Variants in PLAUR observed in about 807,000 individuals in gnomAD.
PLAUR encodes urokinase plasminogen activator surface receptor.
PLAUR carries 22 observed loss-of-function variants against 33.4 expected under a neutral mutation model. The observed-to-expected ratio is 0.66, with a 90% CI of 0.47 to 0.94. The LOEUF is 0.94. Among genes scored for constraint, PLAUR ranks in the 40% least tolerant of loss-of-function variants. The probability of loss-of-function intolerance (pLI) is 0.00; values close to 1 mark genes in which losing one functional copy is unlikely to be tolerated. For missense variants in PLAUR, 408 were observed against 434.7 expected (o/e 0.94, Z 0.55); for synonymous variants, 148 against 167.3 (o/e 0.88, Z 0.89).
intron 3 of PLAUR, among the ~76,000 whole-genome samples, chr19:43,663,328 C>T (rs1345182854): frequency 6.6e-6 from 1 of 151,118 alleles, no homozygotes; most frequent in African/African-American, 2.4e-5. Context: ...CACACACACA[C>T]ACACACACAC....
In PLAUR at chr19:43,656,468, T is replaced by C. The variant is rs1337749516; in HGVS notation, c.472+11A>G. ...GCAGGGAGGAGGAGTTGCCAGCAGG[T>C]TGGGGCTCACCTTCTTCACCTTCCT... On this transcript the variant is annotated intron_variant, in intron 4 of 6. Transcript: ENST00000340093. 1 of 1,571,228 alleles carries C rather than the reference T, an allele frequency of 6.4e-7. No individual in the cohort carries two copies. Among genetic ancestry groups the C allele is most frequent in the Non-Finnish European group, 8.7e-7 (1 of 1,154,574 alleles).
At chr19:43,650,963 G>T (rs909526624) in intron 6 of PLAUR, among the ~76,000 whole-genome samples, 1 of 151,602 alleles carries the variant, frequency 6.6e-6, no homozygotes, top group East Asian at 1.9e-4. Flanking sequence ...AACCCAGGAG[G>T]GGGAGGTTGC....
intron 5 of PLAUR, among the ~76,000 whole-genome samples, chr19:43,654,727 C>A (rs1974131770): frequency 6.6e-6 from 1 of 151,988 alleles, no homozygotes; most frequent in African/African-American, 2.4e-5. Flanking sequence ...GAGCGAGACC[C>A]TGTCCCCCCC....
At position 43,655,454 on chromosome 19, in the gene PLAUR, A is replaced by G; in HGVS notation, c.592T>C (p.Cys198Arg). 8 of 1,614,034 alleles carry G rather than the reference A, an allele frequency of 5.0e-6. No individual in the cohort carries two copies. The highest frequency in any genetic ancestry group is 6.8e-6 in the Non-Finnish European group (8 of 1,179,982). The change falls in exon 5 of 7, where the codon TGC (cysteine) becomes CGC (arginine). Residue 198 changes from cysteine (C) to arginine (R), a missense_variant. By Grantham distance (180) the Cys-to-Arg change is radical. Transcript: ENST00000340093. ...CGTTCCTTACTTGGGCCCTCGTTGC[A>G]TTTGGTGGTGTTGCAGCATTTCAGG... ...HFLKCCNTTK[C>R]NEGPILELEN...
chr19:43,664,837 A>G (rs1051806332), intron 3 of PLAUR, among the ~76,000 whole-genome samples: 1 of 152,214 alleles, frequency 6.6e-6, no homozygotes, highest in South Asian at 2.1e-4. Flanking sequence ...CAGATGGACA[A>G]ACATCACTGA....
chr19:43,657,630 A>T (rs151318959), intron 3 of PLAUR, among the ~76,000 whole-genome samples: 144 of 151,070 alleles, frequency 9.5e-4, no homozygotes, highest in African/African-American at 3.4e-3. Context: ...ACACCCCTGT[A>T]CTCCCCCATC....
At chr19:43,654,585 T>A (rs1012071384) in intron 5 of PLAUR, among the ~76,000 whole-genome samples, 1 of 151,350 alleles carries the variant, frequency 6.6e-6, no homozygotes, top group Non-Finnish European at 1.5e-5. Flanking sequence ...AAATACAAAA[T>A]TAGCTGGGTA....
downstream of PLAUR, chr19:43,646,241 C>T: frequency 2.0e-6 from 1 of 499,382 alleles, no homozygotes; most frequent in Non-Finnish European, 3.6e-6. Context: ...GCCTGTCCTT[C>T]CATGATGTTT....
intron 3 of PLAUR, among the ~76,000 whole-genome samples, chr19:43,662,452 C>T (rs965102697): frequency 3.9e-5 from 6 of 152,026 alleles, no homozygotes; most frequent in East Asian, 1.9e-4. Context: ...GAGCTGAGAT[C>T]GCACCATTGC....
At chr19:43,663,096 A>G (rs1218792847) in intron 3 of PLAUR, among the ~76,000 whole-genome samples, 4 of 151,976 alleles carry the variant, frequency 2.6e-5, no homozygotes, top group African/African-American at 4.8e-5. Context: ...TATCTCCTCT[A>G]GGGTCCCACA....
chr19:43,669,215 G>A (rs1967412751), intron 1 of PLAUR, among the ~76,000 whole-genome samples: 1 of 152,206 alleles, frequency 6.6e-6, no homozygotes, highest in Non-Finnish European at 1.5e-5. Context: ...GAGAGGGAAA[G>A]GTCCTGAGGG....
At chr19:43,656,377 A>T in intron 4 of PLAUR, 102 bp downstream of exon 4, 1 of 1,072,130 alleles carries the variant, frequency 9.3e-7, no homozygotes, top group Non-Finnish European at 1.3e-6. Context: ...GAGAGAACTT[A>T]GTCCCTTGCT....
intron 3 of PLAUR, among the ~76,000 whole-genome samples, chr19:43,663,250 A>G (rs1380450746): frequency 2.0e-5 from 3 of 150,692 alleles, no homozygotes; most frequent in African/African-American, 7.3e-5. Context: ...TTACTTTTGC[A>G]TTAACCTAAT....
chr19:43,667,769 A>G (rs1369916306), intron 1 of PLAUR, 78 bp from the exon 2 acceptor site: 1 of 1,552,184 alleles, frequency 6.4e-7, no homozygotes, highest in African/African-American at 1.4e-5. Context: ...GCATGTCCCA[A>G]TACCAACACC....
intron 1 of PLAUR, 197 bp from the exon 2 acceptor site, chr19:43,667,888 T>C (rs1967330577): frequency 5.6e-6 from 8 of 1,420,254 alleles, no homozygotes; most frequent in Non-Finnish European, 7.4e-6. Context: ...CCCCACTAAC[T>C]GAACGTTCTA....
intron 3 of PLAUR, among the ~76,000 whole-genome samples, chr19:43,657,893 G>A (rs1315435223): frequency 1.3e-5 from 2 of 152,108 alleles, no homozygotes; most frequent in African/African-American, 4.8e-5. Context: ...TCTGCTCCCT[G>A]GTATTCATGC....
rs1029541042 is a variant in PLAUR at position 43,649,122 on chromosome 19, A to T, written c.776T>A (p.Met259Lys). ...GTHEPKNQSY[M>K]VRGCATASMC... The stretch of plus-strand genomic sequence containing the variant: ...TGAGGCGGTTGCACAGCCTCTTACC[A>T]TATAGCTTTGGTTTTTCGGTTCTGA... The change falls in exon 7 of 7, where the codon ATG becomes AAG. Residue 259 changes from methionine (M) to lysine (K), a missense_variant. Coordinates refer to ENST00000340093, the MANE Select transcript of PLAUR (RefSeq NM_002659.4). The T allele has an allele frequency of 1.9e-6, 3 of 1,610,766 alleles. No individual in the cohort carries two copies. Among genetic ancestry groups the T allele is most frequent in the Non-Finnish European group, 2.5e-6 (3 of 1,177,108 alleles).
At chr19:43,652,896 C>T (rs951378916) in intron 5 of PLAUR, among the ~76,000 whole-genome samples, 3 of 152,246 alleles carry the variant, frequency 2.0e-5, no homozygotes, top group Admixed American at 6.5e-5. Flanking sequence ...AGCAATCTGC[C>T]TGCCTCAGCC....
chr19:43,664,954 A>C (rs550640769), intron 3 of PLAUR, among the ~76,000 whole-genome samples: 1 of 152,314 alleles, frequency 6.6e-6, no homozygotes, highest in East Asian at 1.9e-4. Flanking sequence ...GATTGGGTTA[A>C]GGATGAAAGT....
Sources: gnomAD v4.1 joint callset for allele counts (sites outside exome capture counted in the v4.1 genomes callset) on GRCh38, gnomAD v4.1.1 for gene constraint, MANE v1.5 for transcripts, NCBI Gene and HGNC (gene_info 2026-07-23, HGNC 2026-07-21) for gene names.